Variants in NAV2 observed in about 807,000 individuals in gnomAD.
NAV2 encodes helicase, APC down-regulated 1.
Under a neutral mutation model 223.2 loss-of-function variants are expected in NAV2, and 54 were observed. The ratio of observed to expected loss-of-function variants is 0.24; its 90% CI spans 0.19 to 0.30. NAV2 has a LOEUF of 0.30. Ranked by LOEUF, NAV2 falls within the 10% of genes least tolerant of loss-of-function variation. The pLI is 1.00. For missense variants in NAV2, 2,806 were observed against 3,147.5 expected, an observed-to-expected ratio of 0.89 and a Z score of 2.60; for synonymous variants, 1,279 against 1,239.3, an observed-to-expected ratio of 1.03 and a Z score of -0.67.
At chr11:19,746,584 G>T in intron 1 of NAV2, among the ~76,000 whole-genome samples, 1 of 152,154 alleles carries the variant, frequency 6.6e-6, no homozygotes, top group Non-Finnish European at 1.5e-5. Flanking sequence ...AAGGTGGATT[G>T]AATAAGTAGT....
intron 34 of NAV2, chr11:20,104,537 T>G (rs971688939): frequency 1.3e-5 from 2 of 152,340 alleles, no homozygotes; most frequent in African/African-American, 4.8e-5. Flanking sequence ...CACCTCTGCA[T>G]TTAGGCTGTC....
chr11:19,388,612 C>T (rs1275687115), intron 1 of NAV2, among the ~76,000 whole-genome samples: 7 of 152,038 alleles, frequency 4.6e-5, no homozygotes, highest in Admixed American at 1.3e-4. Context: ...GGTGTGATGG[C>T]GGATTTTGGT....
chr11:19,741,011 T>C (rs1488688523), intron 1 of NAV2, among the ~76,000 whole-genome samples: 1 of 152,214 alleles, frequency 6.6e-6, no homozygotes, highest in Non-Finnish European at 1.5e-5. Context: ...TGTGAGATTG[T>C]AGCAAGAGAT....
chr11:19,569,857 C>T (rs909155370), intron 1 of NAV2, among the ~76,000 whole-genome samples: 1 of 152,072 alleles, frequency 6.6e-6, no homozygotes, highest in South Asian at 2.1e-4. Context: ...TCCCACTGCC[C>T]CAGAGTTGCT....
chr11:20,077,968 A>T (rs755805528), intron 23 of NAV2, 25 bp from the exon 24 acceptor site: 1 of 1,569,894 alleles, frequency 6.4e-7, no homozygotes, highest in East Asian at 2.2e-5. Flanking sequence ...TTTTAGGCTG[A>T]CCAATAATTT....
chr11:19,522,768 A>G (rs574657915), intron 1 of NAV2, among the ~76,000 whole-genome samples: 1 of 152,332 alleles, frequency 6.6e-6, no homozygotes, highest in East Asian at 1.9e-4. Context: ...AGAAGAGAAC[A>G]TGCTCTGTCC....
At chr11:19,389,677 G>A (rs559526887) in intron 1 of NAV2, among the ~76,000 whole-genome samples, 1 of 152,338 alleles carries the variant, frequency 6.6e-6, no homozygotes, top group East Asian at 1.9e-4. Context: ...TGCAGTGTAT[G>A]TATGGCACAC....
Position 20,118,504 on chromosome 11 carries a change from C to G in NAV2, c.*246C>G. ...TGTTGTACTTTAATTATTGTTTTGC[C>G]TTGTTGCTGTGACCTCCCTAAGACA... is the stretch of plus-strand genomic sequence containing the variant. On this transcript the variant is annotated 3_prime_UTR_variant, in exon 38 of 38. Coordinates refer to ENST00000349880, the MANE Select transcript of NAV2 (RefSeq NM_145117.5). 2.3e-6 allele frequency: 1 copy of G among 436,674 alleles called. No homozygotes were observed. The highest frequency in any genetic ancestry group is 3.0e-5 in the South Asian group (1 of 33,048). 27.0% of individuals were successfully genotyped at this position (436,674 alleles called of 1,614,324 possible).
At chr11:19,800,721 G>A (rs1050342787) in intron 1 of NAV2, among the ~76,000 whole-genome samples, 4 of 151,724 alleles carry the variant, frequency 2.6e-5, no homozygotes, top group African/African-American at 7.3e-5. Context: ...ATGCATGTGT[G>A]TATAGATACA....
intron 1 of NAV2, among the ~76,000 whole-genome samples, chr11:19,366,522 A>G (rs4340026): frequency 0.55 from 84,122 of 152,000 alleles, 24,386 homozygotes; most frequent in South Asian, 0.75. Flanking sequence ...AGTTGAAGAA[A>G]GGCTTCAGAT....
At chr11:19,652,389 C>T (rs1255922371) in intron 1 of NAV2, among the ~76,000 whole-genome samples, 1 of 152,080 alleles carries the variant, frequency 6.6e-6, no homozygotes, top group Non-Finnish European at 1.5e-5. Flanking sequence ...AGGATGTGGG[C>T]CAAGGGTCAG....
rs575874757 is a variant in NAV2, at chr11:19,748,606, A to T, written c.267+34644A>T. ...GCGCCTAGCATGGTGCCTGGCACAG[A>T]GTAAGGAATGCATATCTGTTAAATG... On this transcript the variant is annotated intron_variant, in intron 1 of 37. Coordinates refer to ENST00000349880, the MANE Select transcript of NAV2 (RefSeq NM_145117.5). Among the ~76,000 whole-genome samples, 4 of 152,352 alleles carry T rather than the reference A, an allele frequency of 2.6e-5. No individual in the cohort carries two copies. In the South Asian group the frequency reaches 8.3e-4, roughly 32 times the overall value.
At chr11:19,446,652 G>A (rs1564942271) in intron 1 of NAV2, among the ~76,000 whole-genome samples, 1 of 152,062 alleles carries the variant, frequency 6.6e-6, no homozygotes, top group Non-Finnish European at 1.5e-5. Context: ...CTCAGACGGT[G>A]TGCCTGCCTG....
intron 1 of NAV2, among the ~76,000 whole-genome samples, chr11:19,781,823 A>C (rs910128632): frequency 6.6e-6 from 1 of 152,118 alleles, no homozygotes; most frequent in African/African-American, 2.4e-5. Context: ...GTATATATTT[A>C]AGGTGTACAG....
chr11:19,934,185 C>T lies in NAV2; in HGVS notation c.1941C>T (p.Thr647=), dbSNP rs772504202. ...GTGGGTCTGTCGGGACCACCCAGAC[C>T]ACAGGAAGCAATACCGTCAGTGTTC... ...TVSGSVGTTQ[T]TGSNTVSVQL... Residue 647 remains threonine, a synonymous_variant, in exon 7 of 38, where the codon ACC becomes ACT. Transcript: ENST00000349880. 7.4e-6 allele frequency: 12 copies of T among 1,613,972 alleles called. No homozygotes were observed. In the South Asian group the frequency reaches 1.1e-4, roughly 15 times the overall value.
chr11:20,097,115 T>C (rs371516270), intron 30 of NAV2, among the ~76,000 whole-genome samples: 3 of 152,242 alleles, frequency 2.0e-5, no homozygotes, highest in Admixed American at 6.5e-5. Flanking sequence ...CTCAAAGATC[T>C]AGAGCTGATT....
At chr11:19,383,776 T>C (rs187111809) in intron 1 of NAV2, among the ~76,000 whole-genome samples, 5 of 152,362 alleles carry the variant, frequency 3.3e-5, no homozygotes, top group Non-Finnish European at 7.3e-5. Flanking sequence ...TGCTGTATAC[T>C]TGCTCAATAA....
chr11:19,769,302 TCAA>T (rs1444729576), intron 1 of NAV2, among the ~76,000 whole-genome samples: 1 of 152,196 alleles, frequency 6.6e-6, no homozygotes, highest in Non-Finnish European at 1.5e-5. Context: ...CTGAGGCCAA[TCAA>T]CAGCAGCAGT....
chr11:19,522,663 G>A (rs994158947), intron 1 of NAV2, among the ~76,000 whole-genome samples: 1 of 152,206 alleles, frequency 6.6e-6, no homozygotes, highest in Admixed American at 6.5e-5. Context: ...AGCATTTGAA[G>A]TGTTGGGCAT....
Sources: allele counts gnomAD v4.1 joint callset (sites outside exome capture counted in the v4.1 genomes callset), GRCh38; gene constraint gnomAD v4.1.1; transcripts MANE v1.5; gene names NCBI Gene and HGNC (gene_info 2026-07-23, HGNC 2026-07-21).